The following EPHB1 variants were observed in gnomAD, a reference collection of about 807,000 sequenced individuals.
EPHB1 encodes the protein ephrin type-B receptor 1.
EPHB1 carries 30 observed loss-of-function variants against 94.4 expected under a neutral mutation model. The ratio of observed to expected loss-of-function variants is 0.32; its 90% confidence interval spans 0.24 to 0.43. The LOEUF is 0.43. Ranked by LOEUF, EPHB1 falls within the 20% of genes least tolerant of loss-of-function variation. The pLI, the probability that EPHB1 is intolerant of heterozygous loss-of-function variation, is 1.00. For synonymous variants in EPHB1, 522 were observed against 489.1 expected, an observed-to-expected ratio of 1.07 and a Z score of -0.89; for missense variants, 1,055 against 1,308.3, an observed-to-expected ratio of 0.81 and a Z score of 2.99.
chr3:135,059,653 A>G (rs1376551600), intron 3 of EPHB1, among the ~76,000 whole-genome samples: 1 of 152,086 alleles, frequency 6.6e-6, no homozygotes, highest in Admixed American at 6.5e-5. Context: ...TGTGGTGGAT[A>G]TTTGCTTAAT....
chr3:134,871,714 C>G (rs940776006), intron 1 of EPHB1, among the ~76,000 whole-genome samples: 5 of 152,174 alleles, frequency 3.3e-5, no homozygotes, highest in Non-Finnish European at 5.9e-5. Context: ...AGTCTCTTCA[C>G]TCACTGCAAA....
intron 1 of EPHB1, among the ~76,000 whole-genome samples, chr3:134,836,554 G>A (rs2036676554): frequency 6.6e-6 from 1 of 152,048 alleles, no homozygotes; most frequent in Admixed American, 6.6e-5. Flanking sequence ...CACTTCATTA[G>A]GTAAATAACG....
At chr3:135,035,041 C>T (rs1020068369) in intron 3 of EPHB1, among the ~76,000 whole-genome samples, 5 of 152,212 alleles carry the variant, frequency 3.3e-5, no homozygotes, top group African/African-American at 1.2e-4. Context: ...TTGTAGTGCA[C>T]TCCTTCCTAC....
chr3:134,935,804 G>A (rs2038990680), intron 2 of EPHB1, among the ~76,000 whole-genome samples: 1 of 142,320 alleles, frequency 7.0e-6, no homozygotes, highest in South Asian at 2.4e-4. Flanking sequence ...AGCACACCCT[G>A]TTATTAATAG....
intron 3 of EPHB1, among the ~76,000 whole-genome samples, chr3:134,996,470 C>T (rs990056191): frequency 3.3e-5 from 5 of 152,126 alleles, no homozygotes; most frequent in African/African-American, 4.8e-5. Flanking sequence ...TACAGCCATG[C>T]GCCACCATGC....
At chr3:134,811,138 G>C (rs2036165873) in intron 1 of EPHB1, among the ~76,000 whole-genome samples, 1 of 151,914 alleles carries the variant, frequency 6.6e-6, no homozygotes, top group South Asian at 2.1e-4. Flanking sequence ...AGGTCTGGGG[G>C]CTGGGGCTGT....
At chr3:135,221,551 G>A (rs1382151607) in intron 12 of EPHB1, among the ~76,000 whole-genome samples, 1 of 152,164 alleles carries the variant, frequency 6.6e-6, no homozygotes, top group African/African-American at 2.4e-5. Flanking sequence ...TCTAATGACA[G>A]ACAATCTAAC....
At chr3:135,160,188 G>A (rs1290513287) in intron 6 of EPHB1, among the ~76,000 whole-genome samples, 2 of 152,134 alleles carry the variant, frequency 1.3e-5, no homozygotes, top group African/African-American at 4.8e-5. Context: ...CCCATGTATA[G>A]CACCCAGAGA....
intron 3 of EPHB1, among the ~76,000 whole-genome samples, chr3:134,987,728 G>A (rs538949985): frequency 6.6e-6 from 1 of 152,098 alleles, no homozygotes; most frequent in Non-Finnish European, 1.5e-5. Context: ...CCGAGATCAC[G>A]CCATTGTATT....
chr3:134,948,289 T>C (rs2039252569), intron 2 of EPHB1, among the ~76,000 whole-genome samples: 1 of 109,370 alleles, frequency 9.1e-6, no homozygotes, highest in Non-Finnish European at 1.8e-5. Context: ...ACTGGAATAA[T>C]GGATCATGAG....
At position 134,983,197 on chromosome 3, in the gene EPHB1, T is replaced by C. The variant is rs1237459575; in HGVS notation, c.805+31145T>C. ...TGCTTTGTCTGTGTTCACTCCTTCA[T>C]TGGCGAGTGTGTGTGTACCCCTGAA... On this transcript the variant is annotated intron_variant, in intron 3 of 15. Transcript: ENST00000398015. 5.9e-5 allele frequency among the ~76,000 whole-genome samples: 9 copies of C among 152,238 alleles called. No individual in the cohort carries two copies. In the East Asian group the frequency reaches 7.7e-4, roughly 13 times the overall value.
chr3:134,869,760 A>G (rs2037460925), intron 1 of EPHB1, among the ~76,000 whole-genome samples: 1 of 152,256 alleles, frequency 6.6e-6, no homozygotes, highest in Non-Finnish European at 1.5e-5. Context: ...TTTTTTAGCA[A>G]CTTGCATTTG....
intron 10 of EPHB1, 146 bp downstream of exon 10, chr3:135,180,128 T>G (rs1168028570): frequency 2.1e-6 from 2 of 953,884 alleles, no homozygotes; most frequent in Non-Finnish European, 3.0e-6. Flanking sequence ...GTCTGAACTA[T>G]CTACATGTGT....
intron 5 of EPHB1, among the ~76,000 whole-genome samples, chr3:135,141,037 A>G (rs1003385575): frequency 2.0e-5 from 3 of 152,196 alleles, no homozygotes; most frequent in Non-Finnish European, 4.4e-5. Context: ...CTCTTTGCCA[A>G]TCCCTCAGGC....
chr3:134,929,027 A>G (rs1578204757), intron 2 of EPHB1, among the ~76,000 whole-genome samples: 1 of 152,216 alleles, frequency 6.6e-6, no homozygotes, highest in South Asian at 2.1e-4. Context: ...GAAGCCAGAA[A>G]GCAGAGAGGT....
At chr3:135,075,455 C>A (rs1436129689) in intron 3 of EPHB1, among the ~76,000 whole-genome samples, 1 of 152,194 alleles carries the variant, frequency 6.6e-6, no homozygotes, top group East Asian at 1.9e-4. Flanking sequence ...TTTCATCATG[C>A]AACCCAAGCA....
At chr3:135,003,733 T>A (rs931693891) in intron 3 of EPHB1, among the ~76,000 whole-genome samples, 2 of 152,060 alleles carry the variant, frequency 1.3e-5, no homozygotes, top group Admixed American at 1.3e-4. Flanking sequence ...TTGTCTCTTT[T>A]GATCTTTGTT....
chr3:135,114,624 G>T (rs1207902708), intron 4 of EPHB1, among the ~76,000 whole-genome samples: 2 of 149,934 alleles, frequency 1.3e-5, no homozygotes, highest in African/African-American at 4.9e-5. Context: ...CTCGGAGGCT[G>T]AGGCAGAAGA....
chr3:135,191,136 A>G lies in EPHB1; in HGVS notation c.1883-1440A>G, dbSNP rs72981604. Among the ~76,000 whole-genome samples the G allele has an allele frequency of 8.7e-3, 1,329 of 152,106 alleles. 20 individuals carry two copies. The highest frequency in any genetic ancestry group is 0.03 in the African/African-American group (1,241 of 41,478). On this transcript the variant is annotated intron_variant, in intron 10 of 15. Transcript: ENST00000398015. Reference sequence around the variant, plus strand: ...AAGGAAGGAAGGGAGGGAGGGACAGAGGGAGAAAAAGGGAGGAAGGATGGA... The same window carrying G: ...AAGGAAGGAAGGGAGGGAGGGACAGGGGGAGAAAAAGGGAGGAAGGATGGA...
Sources: allele counts gnomAD v4.1 joint callset (sites outside exome capture counted in the v4.1 genomes callset), GRCh38; gene constraint gnomAD v4.1.1; transcripts MANE v1.5; gene names NCBI Gene and HGNC (gene_info 2026-07-23, HGNC 2026-07-21).